Variants in KDM2B observed in about 807,000 individuals in gnomAD.
KDM2B encodes lysine demethylase 2B.
KDM2B carries 26 observed loss-of-function variants against 150.0 expected under a neutral mutation model. The observed-to-expected ratio is 0.17, with a 90% CI of 0.13 to 0.24. KDM2B has a LOEUF of 0.24. KDM2B is among the 10% of genes least tolerant of loss of function. The pLI is 1.00. For missense variants in KDM2B, 1,265 were observed against 1,816.9 expected (o/e 0.70, Z 5.52); for synonymous variants, 734 against 729.5 (o/e 1.01, Z -0.10).
At chr12:121,448,666 GT>G (rs1247032676) in intron 13 of KDM2B, among the ~76,000 whole-genome samples, 2 of 152,134 alleles carry the variant, frequency 1.3e-5, no homozygotes, top group Non-Finnish European at 2.9e-5. Flanking sequence ...CCATTGGTAA[GT>G]GAAAAAGACT....
intron 6 of KDM2B, among the ~76,000 whole-genome samples, chr12:121,543,182 C>T (rs151078735): frequency 0.047 from 7,214 of 152,032 alleles, 296 homozygotes; most frequent in Admixed American, 0.08. Flanking sequence ...TGGCGAAACC[C>T]CTGTCTCTAC....
At chr12:121,492,169 T>C (rs1555300070) in intron 12 of KDM2B, among the ~76,000 whole-genome samples, 1 of 151,966 alleles carries the variant, frequency 6.6e-6, no homozygotes, top group African/African-American at 2.4e-5. Flanking sequence ...AATAAATAAA[T>C]AAAAGAAATA....
At position 121,456,993 on chromosome 12, in the gene KDM2B, A is replaced by G. The variant is rs192324010; in HGVS notation, c.1735-3649T>C. ...TCATCAAGAGTTGGTTCAACAACAG[A>G]GCAACGCAGGATCCTAATGAAGCCC... On this transcript the variant is annotated intron_variant, in intron 12 of 22. Coordinates refer to ENST00000377071, the MANE Select transcript of KDM2B (RefSeq NM_032590.5). 3.1e-4 allele frequency among the ~76,000 whole-genome samples: 47 copies of G among 152,320 alleles called. 1 individual carries two copies. In the East Asian group the frequency reaches 7.1e-3, roughly 23 times the overall value.
rs782412755 is a variant in KDM2B at position 121,509,742 on chromosome 12, G to A, written c.1472C>T (p.Pro491Leu). 2 of 1,614,124 alleles carry A rather than the reference G, an allele frequency of 1.2e-6. No individual in the cohort carries two copies. The highest frequency in any genetic ancestry group is 1.3e-5 in the African/African-American group (1 of 75,044). ...GGCGGGAGAGCCGGTGGGGGTCTTGGGGTAGTCTACGGCCAATGTGGTGGA... is the reference window on the plus strand; with the variant it reads ...GGCGGGAGAGCCGGTGGGGGTCTTGAGGTAGTCTACGGCCAATGTGGTGGA... ...VKSTTLAVDY[P>L]KTPTGSPATE... The change falls in exon 11 of 23, where the codon CCC becomes CTC. Residue 491 changes from proline (P) to leucine (L), a missense_variant. By Grantham distance (98) the Pro-to-Leu change is moderately conservative. This residue lies in a region of KDM2B where 154 missense variants were observed against 162.5 expected (regional missense o/e 0.95). Transcript: ENST00000377071.
chr12:121,442,069 A>G lies in KDM2B; in HGVS notation c.3284+88T>C. ...AAGCCATACTGGGGTTTGGAAGGAA[A>G]GAGCATCGCCAGCGACTCCACACAC... On this transcript the variant is annotated intron_variant, in intron 19 of 22. Transcript: ENST00000377071. This position sits in a 1 kb window ranked among gnomAD's most constrained non-coding sequence, Gnocchi z 7.7. 9.0e-7 allele frequency: 1 copy of G among 1,109,068 alleles called. No individual in the cohort carries two copies. The highest frequency in any genetic ancestry group is 1.3e-6 in the Non-Finnish European group (1 of 742,300). The allele number at this position is 1,109,068 out of a possible 1,614,324, so 68.7% of individuals were successfully genotyped here.
Position 121,533,857 on chromosome 12 carries a change from A to G in KDM2B, c.777+640T>C, listed in dbSNP as rs1887863222. On this transcript the variant is annotated intron_variant, in intron 7 of 22. Coordinates refer to ENST00000377071, the MANE Select transcript of KDM2B (RefSeq NM_032590.5). The surrounding 1 kb of genome is among the most constrained non-coding windows in gnomAD (Gnocchi z 4.1). ...GGGCCAGGAGCCATGGCCCACGCCTACAATCCCAGCACTTTGGAAGACCAA... is the reference window on the plus strand; with the variant it reads ...GGGCCAGGAGCCATGGCCCACGCCTGCAATCCCAGCACTTTGGAAGACCAA... 6.6e-6 allele frequency among the ~76,000 whole-genome samples: 1 copy of G among 152,188 alleles called. No homozygotes were observed. The highest frequency in any genetic ancestry group is 1.5e-5 in the Non-Finnish European group (1 of 68,022).
rs566623104 is a variant in KDM2B, at chr12:121,563,282, G to A, written c.397+11265C>T. ...GTGAGGTGTGATTGTGCCACTGCCT[G>A]GGCGACAGAGTGAGATGCTGTCTCA... is the stretch of plus-strand genomic sequence containing the variant. On this transcript the variant is annotated intron_variant, in intron 4 of 22. Coordinates refer to ENST00000377071, the MANE Select transcript of KDM2B (RefSeq NM_032590.5). Among the ~76,000 whole-genome samples, 3 of 151,908 alleles carry A rather than the reference G, an allele frequency of 2.0e-5. No individual in the cohort carries two copies. The East Asian group carries it at 5.8e-4, about 29-fold the overall frequency.
intron 12 of KDM2B, among the ~76,000 whole-genome samples, chr12:121,476,328 T>C (rs1468873598): frequency 1.3e-5 from 2 of 151,852 alleles, no homozygotes; most frequent in African/African-American, 4.8e-5. Context: ...CATGGTAGTA[T>C]GCCTGTAGTC....
At chr12:121,576,077 CTCAG>C (rs1345617613) in intron 2 of KDM2B, among the ~76,000 whole-genome samples, 15 of 152,130 alleles carry the variant, frequency 9.9e-5, no homozygotes, top group Non-Finnish European at 1.5e-4. Context: ...CCTCTGCCTA[CTCAG>C]TCAGTCATTC....
intron 1 of KDM2B, chr12:121,580,265 G>A: frequency 1.6e-6 from 2 of 1,224,184 alleles, no homozygotes; most frequent in Non-Finnish European, 2.0e-6. Context: ...GGGGGGGGAG[G>A]CGTCGACGTC....
At chr12:121,417,746 GGAC>G in the KDM2B span, 2 of 1,614,174 alleles carry the variant, frequency 1.2e-6, no homozygotes, top group Non-Finnish European at 1.7e-6. The surrounding 1 kb of genome is among the most constrained non-coding windows in gnomAD (Gnocchi z 5.0). Flanking sequence ...TAGGCTCTGA[GGAC>G]GACATGGACA....
chr12:121,580,214 C>G, intron 1 of KDM2B: 1 of 1,443,530 alleles, frequency 6.9e-7, no homozygotes, highest in East Asian at 2.4e-5. Context: ...TTAGGCAGAT[C>G]CGTTTGCAAA....
At chr12:121,457,781 T>C (rs1190357494) in intron 12 of KDM2B, among the ~76,000 whole-genome samples, 1 of 146,814 alleles carries the variant, frequency 6.8e-6, no homozygotes, top group Non-Finnish European at 1.5e-5. Flanking sequence ...CACACAAATA[T>C]CTTGGTATTC....
chr12:121,461,243 G>A (rs782737632), intron 12 of KDM2B, among the ~76,000 whole-genome samples: 15 of 152,156 alleles, frequency 9.9e-5, no homozygotes, highest in Admixed American at 7.2e-4. Flanking sequence ...GTGAAACTGC[G>A]TGACACATTC....
At position 121,453,104 on chromosome 12, in the gene KDM2B, C is replaced by A; in HGVS notation, c.1959+16G>T. Reference sequence around the variant, plus strand: ...GGCCTGAATCGAGCGCAGGGCTGGGCGGGGGCCGCACTCACCGCGATGCAC... The same window carrying A: ...GGCCTGAATCGAGCGCAGGGCTGGGAGGGGGCCGCACTCACCGCGATGCAC... On this transcript the variant is annotated intron_variant, in intron 13 of 22. Transcript: ENST00000377071. This position sits in a 1 kb window ranked among gnomAD's most constrained non-coding sequence, Gnocchi z 6.4. 6.3e-7 allele frequency: 1 copy of A among 1,589,350 alleles called. No individual in the cohort carries two copies. The highest frequency in any genetic ancestry group is 8.5e-7 in the Non-Finnish European group (1 of 1,169,636).
At position 121,533,563 on chromosome 12, in the gene KDM2B, G is replaced by A. The variant is rs1279361990; in HGVS notation, c.778-604C>T. On this transcript the variant is annotated intron_variant, in intron 7 of 22. Transcript: ENST00000377071. The surrounding 1 kb of genome is among the most constrained non-coding windows in gnomAD (Gnocchi z 4.1). ...GAGCACCCTTAGCATTCTGTCCCCA[G>A]TGCAAAATGTTCCTAGAGGCAGGTG... Among the ~76,000 whole-genome samples the A allele has an allele frequency of 6.6e-6, 1 of 152,188 alleles. No homozygotes were observed. The highest frequency in any genetic ancestry group is 1.5e-5 in the Non-Finnish European group (1 of 68,032).
chr12:121,445,453 G>C (rs1875988091), intron 13 of KDM2B, 35 bp from the exon 14 acceptor site: 1 of 1,555,628 alleles, frequency 6.4e-7, no homozygotes, highest in Non-Finnish European at 8.7e-7. Flanking sequence ...AAGTCATCAG[G>C]GGTGGGGAGC....
chr12:121,425,306 CAAA>C (rs562993599), downstream of KDM2B, among the ~76,000 whole-genome samples: 62 of 79,124 alleles, frequency 7.8e-4, no homozygotes, highest in African/African-American at 1.8e-3. Flanking sequence ...AACTCCGTCT[CAAA>C]AAAAAAAAAA....
rs781896325 is a variant in KDM2B, at chr12:121,442,355, G to A, written c.3086C>T (p.Ser1029Phe). 6.3e-7 allele frequency: 1 copy of A among 1,582,346 alleles called. No homozygotes were observed. The highest frequency in any genetic ancestry group is 1.7e-5 in the Admixed American group (1 of 58,758). The stretch of plus-strand genomic sequence containing the variant: ...CTGGATACACTTGGGCGGGGACACG[G>A]AGGGTGGGGGCCGGGAGATGACACG... ...PPRVISRPPP[S>F]VSPPKCIQME... is the part of the protein sequence containing the mutation. The change falls in exon 19 of 23, where the codon TCC (serine) becomes TTC (phenylalanine). Residue 1029 changes from serine (S) to phenylalanine (F), a missense_variant. Coordinates refer to ENST00000377071, the MANE Select transcript of KDM2B (RefSeq NM_032590.5). This position sits in a 1 kb window ranked among gnomAD's most constrained non-coding sequence, Gnocchi z 7.7.
Sources: allele counts gnomAD v4.1 joint callset (sites outside exome capture counted in the v4.1 genomes callset), GRCh38; gene constraint gnomAD v4.1.1; regional missense constraint gnomAD v4.1.1; non-coding constraint Gnocchi (gnomAD v3.1); transcripts MANE v1.5; gene names NCBI Gene and HGNC (gene_info 2026-07-23, HGNC 2026-07-21).